BICD1: variants seen among roughly 807,000 people sequenced by gnomAD.
The protein encoded by BICD1 is protein bicaudal D homolog 1.
Under a neutral mutation model 92.5 loss-of-function variants are expected in BICD1, and 35 were observed. That is an observed-to-expected ratio of 0.38 (90% CI 0.29 to 0.50). The LOEUF is 0.50. BICD1 is among the 20% of genes least tolerant of loss of function. The pLI is 0.93. For synonymous variants in BICD1, 429 were observed against 465.1 expected, an observed-to-expected ratio of 0.92 and a Z score of 1.00; for missense variants, 950 against 1,189.8, an observed-to-expected ratio of 0.80 and a Z score of 2.97.
At chr12:32,234,592 G>A (rs1368915246) in intron 2 of BICD1, among the ~76,000 whole-genome samples, 2 of 124,136 alleles carry the variant, frequency 1.6e-5, no homozygotes, top group Admixed American at 7.8e-5. Context: ...GCAAAACTCC[G>A]TCTCAAAAAA....
At chr12:32,231,947 A>G (rs1490707358) in intron 2 of BICD1, among the ~76,000 whole-genome samples, 1 of 151,444 alleles carries the variant, frequency 6.6e-6, no homozygotes, top group Non-Finnish European at 1.5e-5. Context: ...ATAGTATTCC[A>G]TGGTGTATGT....
At chr12:32,177,740 T>TAA (rs1183408114) in intron 1 of BICD1, among the ~76,000 whole-genome samples, 4 of 91,818 alleles carry the variant, frequency 4.4e-5, no homozygotes, top group Non-Finnish European at 6.9e-5. Flanking sequence ...TATATATTTA[T>TAA]ATAAAATATA....
chr12:32,208,472 G>A (rs1945125119), intron 1 of BICD1, among the ~76,000 whole-genome samples: 1 of 152,212 alleles, frequency 6.6e-6, no homozygotes, highest in Non-Finnish European at 1.5e-5. Context: ...GTAAGTGGCA[G>A]AGTTGGTCCA....
intron 4 of BICD1, among the ~76,000 whole-genome samples, chr12:32,321,147 GAA>G (rs1262596047): frequency 4.6e-5 from 7 of 152,038 alleles, no homozygotes; most frequent in African/African-American, 1.7e-4. Context: ...TCAACATGGT[GAA>G]ACCCCGTCTC....
At chr12:32,215,894 C>T (rs1424268844) in intron 1 of BICD1, among the ~76,000 whole-genome samples, 2 of 133,204 alleles carry the variant, frequency 1.5e-5, no homozygotes, top group African/African-American at 2.8e-5. Flanking sequence ...GCGGAGCTTG[C>T]AGTGATCCGA....
intron 8 of BICD1, among the ~76,000 whole-genome samples, chr12:32,343,212 G>A (rs1050769598): frequency 6.6e-6 from 1 of 152,144 alleles, no homozygotes. Context: ...TGTCATCAAG[G>A]AGTTTGTAAT....
chr12:32,123,641 C>G (rs189805181), intron 1 of BICD1, among the ~76,000 whole-genome samples: 1 of 152,318 alleles, frequency 6.6e-6, no homozygotes, highest in Non-Finnish European at 1.5e-5. Flanking sequence ...GTTTGGGAGG[C>G]TGAGGCGGGC....
At chr12:32,116,373 A>C (rs1941889130) in intron 1 of BICD1, among the ~76,000 whole-genome samples, 1 of 147,354 alleles carries the variant, frequency 6.8e-6, no homozygotes, top group East Asian at 2.0e-4. Context: ...TTGTTTTTCC[A>C]CTCTGGTCAC....
At chr12:32,157,311 A>G (rs1022490280) in intron 1 of BICD1, among the ~76,000 whole-genome samples, 1 of 152,192 alleles carries the variant, frequency 6.6e-6, no homozygotes, top group Non-Finnish European at 1.5e-5. Flanking sequence ...ACCCTTTATT[A>G]TAGATGCAGA....
At position 32,348,723 on chromosome 12, in the gene BICD1, AATATATATATATATATATATATATAT is replaced by A. The variant is rs11272207; in HGVS notation, c.2764+9775_2764+9800del. Among the ~76,000 whole-genome samples the A allele has an allele frequency of 3.1e-3, 366 of 117,994 alleles. 6 individuals are homozygous for A. Among genetic ancestry groups the A allele is most frequent in the South Asian group, 4.6e-3 (15 of 3,254 alleles). The allele number at this position is 117,994 out of a possible 152,430, so 77.4% of individuals were successfully genotyped here. A position where few individuals can be genotyped will look rare whatever the true frequency, so the allele number is the denominator to read the frequency against. On this transcript the variant is annotated intron_variant, in intron 8 of 9. Transcript: ENST00000652176. ...AATGATGCTTTCTAGCTCACACAAA[AATATATATATATATATATATATATAT>A]ATATATATATATATATATATATATA... is the stretch of plus-strand genomic sequence containing the variant.
At chr12:32,346,046 G>A (rs1938550840) in intron 8 of BICD1, among the ~76,000 whole-genome samples, 1 of 152,158 alleles carries the variant, frequency 6.6e-6, no homozygotes, top group South Asian at 2.1e-4. Context: ...CTACTCAGGA[G>A]GCTGAGATGG....
At chr12:32,157,558 C>T (rs1275155400) in intron 1 of BICD1, among the ~76,000 whole-genome samples, 1 of 152,166 alleles carries the variant, frequency 6.6e-6, no homozygotes, top group East Asian at 1.9e-4. Flanking sequence ...AGGGTGCTCT[C>T]CACCCTTTCT....
intron 2 of BICD1, among the ~76,000 whole-genome samples, chr12:32,267,965 A>G (rs777105546): frequency 1.5e-5 from 2 of 137,562 alleles, no homozygotes; most frequent in Admixed American, 7.5e-5. Flanking sequence ...ACTTCTGGCT[A>G]ATTTAAAAAG....
intron 1 of BICD1, among the ~76,000 whole-genome samples, chr12:32,128,103 C>T (rs959996569): frequency 1.3e-5 from 2 of 152,036 alleles, no homozygotes; most frequent in Non-Finnish European, 2.9e-5. Flanking sequence ...AGGGTTTCAC[C>T]GTGTTGGCCA....
chr12:32,305,917 T>C lies in BICD1; in HGVS notation c.800T>C (p.Val267Ala). ...AATGATAACCATATCAGCATCTCAG[T>C]AGATGGACTCAAATTTGCCGAGGAT... is the stretch of plus-strand genomic sequence containing the variant. The part of the protein sequence containing the change: ...SLNDNHISIS[V>A]DGLKFAEDGS... Residue 267 changes from valine (V) to alanine (A), a missense_variant, in exon 4 of 10, where the codon GTA (valine) becomes GCA (alanine). By Grantham distance (64) the Val-to-Ala change is moderately conservative (BLOSUM62 0). Transcript: ENST00000652176. 6.2e-7 allele frequency: 1 copy of C among 1,614,178 alleles called. No individual in the cohort carries two copies. Among genetic ancestry groups the C allele is most frequent in the Non-Finnish European group, 8.5e-7 (1 of 1,180,026 alleles).
At chr12:32,376,418 A>G (rs1939966643) in intron 9 of BICD1, among the ~76,000 whole-genome samples, 1 of 151,840 alleles carries the variant, frequency 6.6e-6, no homozygotes, top group African/African-American at 2.4e-5. Context: ...CCAAACCCAA[A>G]TGTGTTTTGT....
At chr12:32,118,081 TATTTTATTTA>T (rs1328789823) in intron 1 of BICD1, among the ~76,000 whole-genome samples, 3 of 147,724 alleles carry the variant, frequency 2.0e-5, no homozygotes, top group African/African-American at 7.6e-5. Flanking sequence ...TATTTTATTT[TATTTTATTTA>T]TTTTTTTTGA....
chr12:32,310,947 A>T lies in BICD1; in HGVS notation c.1005+4825A>T, dbSNP rs191473994. Among the ~76,000 whole-genome samples the T allele has an allele frequency of 9.1e-4, 138 of 152,288 alleles. 1 individual carries two copies. Among genetic ancestry groups the T allele is most frequent in the African/African-American group, 3.2e-3 (131 of 41,556 alleles). ...GCCTTTTCTTCTCCTACAAGGCTCA[A>T]TGTATGCCCATGATTTATGTTTTCC... On this transcript the variant is annotated intron_variant, in intron 4 of 9. Transcript: ENST00000652176.
At chr12:32,369,460 G>A (rs1019258434) in intron 9 of BICD1, among the ~76,000 whole-genome samples, 2 of 152,286 alleles carry the variant, frequency 1.3e-5, no homozygotes, top group Admixed American at 6.5e-5. Context: ...CAAGCTACAT[G>A]TGGTCAGGGG....
Sources: gnomAD v4.1 joint callset for allele counts (sites outside exome capture counted in the v4.1 genomes callset) on GRCh38, gnomAD v4.1.1 for gene constraint, MANE v1.5 for transcripts, NCBI Gene and HGNC (gene_info 2026-07-23, HGNC 2026-07-21) for gene names.